Variants in PRKG1 observed in about 807,000 individuals in gnomAD.
The protein encoded by PRKG1 is protein kinase cGMP-dependent 1.
PRKG1 carries 35 observed loss-of-function variants against 88.1 expected under a neutral mutation model. The ratio of observed to expected loss-of-function variants is 0.40; its 90% CI spans 0.30 to 0.53. The LOEUF (loss-of-function observed/expected upper bound fraction) is 0.53, where lower values mean the gene tolerates loss of function less well. PRKG1 is among the 20% of genes least tolerant of loss of function. The pLI is 0.59. For missense variants in PRKG1, 540 were observed against 839.8 expected, an observed-to-expected ratio of 0.64 and a Z score of 4.41; for synonymous variants, 303 against 292.5, an observed-to-expected ratio of 1.04 and a Z score of -0.37.
At chr10:51,373,808 C>CT (rs886409938) in intron 2 of PRKG1, among the ~76,000 whole-genome samples, 2 of 151,682 alleles carry the variant, frequency 1.3e-5, no homozygotes, top group Admixed American at 1.3e-4. Flanking sequence ...TCTTTTCTTT[C>CT]TTTTTTTTCT....
At chr10:51,703,156 TATC>T (rs1841515413) in intron 3 of PRKG1, among the ~76,000 whole-genome samples, 3 of 152,198 alleles carry the variant, frequency 2.0e-5, no homozygotes, top group African/African-American at 2.4e-5. Context: ...TTGGCAAAAA[TATC>T]ATGCTTAGCT....
intron 1 of PRKG1, among the ~76,000 whole-genome samples, chr10:51,143,345 G>A (rs1845867544): frequency 6.6e-6 from 1 of 152,054 alleles, no homozygotes; most frequent in Non-Finnish European, 1.5e-5. Context: ...ATATTCCATT[G>A]TGTCTGTATA....
intron 7 of PRKG1, among the ~76,000 whole-genome samples, chr10:52,123,628 A>G (rs1247678737): frequency 6.6e-6 from 1 of 152,148 alleles, no homozygotes; most frequent in African/African-American, 2.4e-5. Flanking sequence ...ATTGTTCTGT[A>G]ATATATGAAT....
chr10:51,540,271 C>A (rs1385241751), intron 3 of PRKG1, among the ~76,000 whole-genome samples: 6 of 152,116 alleles, frequency 3.9e-5, no homozygotes, highest in African/African-American at 1.4e-4. Flanking sequence ...AAATATGTAA[C>A]CTCTGAGCAG....
At chr10:51,741,143 G>A (rs1837423059) in intron 3 of PRKG1, among the ~76,000 whole-genome samples, 1 of 142,430 alleles carries the variant, frequency 7.0e-6, no homozygotes. Context: ...GAAACCTTTG[G>A]TGAAAAAAAA....
At chr10:51,634,261 G>A (rs1839599683) in intron 3 of PRKG1, among the ~76,000 whole-genome samples, 1 of 152,120 alleles carries the variant, frequency 6.6e-6, no homozygotes, top group South Asian at 2.1e-4. Context: ...GAGAGGATTT[G>A]CCAAGGGAGG....
At chr10:52,036,919 C>T (rs1845628631) in intron 5 of PRKG1, among the ~76,000 whole-genome samples, 1 of 152,218 alleles carries the variant, frequency 6.6e-6, no homozygotes, top group Non-Finnish European at 1.5e-5. Flanking sequence ...AGTGGGTAGC[C>T]TCCGTATTGA....
At chr10:52,015,835 G>C (rs4631829) in intron 5 of PRKG1, among the ~76,000 whole-genome samples, 1 of 151,998 alleles carries the variant, frequency 6.6e-6, no homozygotes, top group East Asian at 1.9e-4. Flanking sequence ...AAAGTTCAAC[G>C]GATCTTTAGG....
chr10:51,328,912 G>A (rs80058895), intron 2 of PRKG1, among the ~76,000 whole-genome samples: 1,710 of 152,084 alleles, frequency 0.011, 38 homozygotes, highest in African/African-American at 0.039. Flanking sequence ...TTGGGGAACA[G>A]GCGTTGCCCA....
chr10:51,825,072 G>A (rs1203033582), intron 4 of PRKG1, among the ~76,000 whole-genome samples: 1 of 152,084 alleles, frequency 6.6e-6, no homozygotes, highest in Non-Finnish European at 1.5e-5. Flanking sequence ...GTGGTTTTCA[G>A]CTTTTTATTT....
rs141315530 is a variant in PRKG1 at position 51,870,678 on chromosome 10, C to T, written c.699-36829C>T. Among the ~76,000 whole-genome samples the T allele has an allele frequency of 1.5e-3, 227 of 152,164 alleles. 5 individuals carry two copies. The East Asian group carries it at 0.035, about 24-fold the overall frequency. On this transcript the variant is annotated intron_variant, in intron 4 of 17. Transcript: ENST00000373980. ...TGTCAGATTCATTTTAATGAAGAAT[C>T]GCATAGGTCAGATGAAAGGTTCCCC...
intron 2 of PRKG1, among the ~76,000 whole-genome samples, chr10:51,307,199 A>G (rs1841061336): frequency 6.6e-6 from 1 of 152,218 alleles, no homozygotes; most frequent in African/African-American, 2.4e-5. Flanking sequence ...GCACATGCAT[A>G]CACACAATCC....
chr10:52,136,069 T>G (rs1020124667), intron 8 of PRKG1, among the ~76,000 whole-genome samples: 1 of 151,920 alleles, frequency 6.6e-6, no homozygotes, highest in Non-Finnish European at 1.5e-5. Flanking sequence ...GGCATGCAGA[T>G]AGAGAAAAGG....
At chr10:51,290,239 C>T (rs1589320460) in intron 2 of PRKG1, among the ~76,000 whole-genome samples, 1 of 151,202 alleles carries the variant, frequency 6.6e-6, no homozygotes, top group South Asian at 2.1e-4. Context: ...GATGCTGTCT[C>T]AAAAAACAAA....
chr10:52,215,823 T>C (rs1840095863), intron 9 of PRKG1, among the ~76,000 whole-genome samples: 1 of 152,196 alleles, frequency 6.6e-6, no homozygotes, highest in Non-Finnish European at 1.5e-5. Context: ...TTACTAGTTG[T>C]GCTCTAAAAG....
chr10:51,020,368 G>T (rs902453823), intron 1 of PRKG1, among the ~76,000 whole-genome samples: 3 of 152,056 alleles, frequency 2.0e-5, no homozygotes, highest in Admixed American at 6.6e-5. Flanking sequence ...TCTAAGAGAC[G>T]TGTACTATAA....
At chr10:51,280,362 CT>C (rs1222789688) in intron 2 of PRKG1, among the ~76,000 whole-genome samples, 1 of 152,090 alleles carries the variant, frequency 6.6e-6, no homozygotes, top group Non-Finnish European at 1.5e-5. Context: ...AGTTGCTCTT[CT>C]TGAGGAGTAT....
chr10:52,054,568 T>A lies in PRKG1; in HGVS notation c.840+7T>A. On this transcript the variant is annotated splice_region_variant and intron_variant, in intron 6 of 17. Coordinates refer to ENST00000373980, the MANE Select transcript of PRKG1 (RefSeq NM_006258.4). Reference sequence around the variant, plus strand: ...TATCATCAGCAAAGGAACGGTAAGCTTTGGTGGCACAAGACAGTGATGCAC... The same window carrying A: ...TATCATCAGCAAAGGAACGGTAAGCATTGGTGGCACAAGACAGTGATGCAC... 1 of 1,613,136 alleles carries A rather than the reference T, an allele frequency of 6.2e-7. No individual in the cohort carries two copies.
chr10:52,153,593 C>T (rs1838001928), intron 8 of PRKG1, among the ~76,000 whole-genome samples: 3 of 152,144 alleles, frequency 2.0e-5, no homozygotes. Flanking sequence ...ATGCCACTTG[C>T]AGGGAGTAAT....
Sources: gnomAD v4.1 joint callset for allele counts (sites outside exome capture counted in the v4.1 genomes callset) on GRCh38, gnomAD v4.1.1 for gene constraint, MANE v1.5 for transcripts, NCBI Gene and HGNC (gene_info 2026-07-23, HGNC 2026-07-21) for gene names.